The following SCAPER variants were observed in gnomAD, a reference collection of about 807,000 sequenced individuals.
SCAPER encodes the protein S-phase cyclin A associated protein in the ER.
In SCAPER, 98 loss-of-function variants were observed where a neutral mutation model predicts 182.2. That is an observed-to-expected ratio of 0.54 (90% CI 0.46 to 0.64). The LOEUF is 0.64. Ranked by LOEUF, SCAPER falls within the 30% of genes least tolerant of loss-of-function variation. The probability of loss-of-function intolerance (pLI) is 0.00; values close to 1 mark genes in which losing one functional copy is unlikely to be tolerated. For missense variants in SCAPER, 1,432 were observed against 1,690.0 expected (o/e 0.85, Z 2.68); for synonymous variants, 605 against 564.6 (o/e 1.07, Z -1.01).
chr15:76,428,472 G>C (rs950845232), intron 26 of SCAPER, among the ~76,000 whole-genome samples: 1 of 152,240 alleles, frequency 6.6e-6, no homozygotes, highest in Non-Finnish European at 1.5e-5. Flanking sequence ...TTGGAGGTTT[G>C]TTACAACATG....
chr15:76,738,416 G>A (rs1483894179), intron 15 of SCAPER, among the ~76,000 whole-genome samples: 4 of 152,156 alleles, frequency 2.6e-5, no homozygotes, highest in Middle Eastern at 3.4e-3. Context: ...AGTGAAAGAT[G>A]TAAAACTCTT....
chr15:76,902,398 T>G (rs975872118), intron 1 of SCAPER, among the ~76,000 whole-genome samples: 1 of 152,242 alleles, frequency 6.6e-6, no homozygotes, highest in African/African-American at 2.4e-5. Context: ...GCTTATGGCC[T>G]GTGTGATGGG....
At chr15:76,439,662 T>G (rs985622645) in intron 25 of SCAPER, among the ~76,000 whole-genome samples, 1 of 152,176 alleles carries the variant, frequency 6.6e-6, no homozygotes, top group Non-Finnish European at 1.5e-5. Flanking sequence ...GCAAGCAACC[T>G]CCTCCCTTCC....
chr15:76,857,806 T>C lies in SCAPER; in HGVS notation c.195+3A>G. 1 of 1,523,934 alleles carries C rather than the reference T, an allele frequency of 6.6e-7. No individual in the cohort carries two copies. The highest frequency in any genetic ancestry group is 2.5e-5 in the East Asian group (1 of 40,362). The allele number at this position is 1,523,934 out of a possible 1,614,324, so 94.4% of individuals were successfully genotyped here. On this transcript the variant is annotated splice_donor_region_variant and intron_variant, in intron 4 of 31. Transcript: ENST00000563290. Reference sequence around the variant, plus strand: ...ATAAGTAAAAAAGTTATAGATGCTGTACCTGTTTAGTAGTTTTATGAGTGC... The same window carrying C: ...ATAAGTAAAAAAGTTATAGATGCTGCACCTGTTTAGTAGTTTTATGAGTGC...
chr15:76,458,391 T>A (rs1380527068), intron 25 of SCAPER, among the ~76,000 whole-genome samples: 1 of 151,862 alleles, frequency 6.6e-6, no homozygotes, highest in Admixed American at 6.6e-5. Context: ...TATATATATA[T>A]CCACAAATAC....
At chr15:76,877,302 G>C (rs1014584619) in intron 2 of SCAPER, among the ~76,000 whole-genome samples, 1 of 151,342 alleles carries the variant, frequency 6.6e-6, no homozygotes, top group African/African-American at 2.4e-5. Flanking sequence ...GATTATGTTA[G>C]ATTACATTAA....
chr15:76,792,111 A>T (rs974771174), intron 8 of SCAPER, among the ~76,000 whole-genome samples: 2 of 143,818 alleles, frequency 1.4e-5, no homozygotes, highest in Non-Finnish European at 3.0e-5. Flanking sequence ...AGTGATGCTT[A>T]AAAAAAAAAG....
intron 23 of SCAPER, among the ~76,000 whole-genome samples, chr15:76,554,147 G>A (rs534372086): frequency 1.3e-5 from 2 of 152,184 alleles, no homozygotes; most frequent in African/African-American, 4.8e-5. Flanking sequence ...AAACTGATCT[G>A]ATAGAGCTGA....
In SCAPER at chr15:76,706,766, A is replaced by G. The variant is rs186965309; in HGVS notation, c.2166-782T>C. Among the ~76,000 whole-genome samples, 9 of 152,268 alleles carry G rather than the reference A, an allele frequency of 5.9e-5. No homozygotes were observed. The East Asian group carries it at 1.7e-3, about 29-fold the overall frequency. On this transcript the variant is annotated intron_variant, in intron 17 of 31. Coordinates refer to ENST00000563290, the MANE Select transcript of SCAPER (RefSeq NM_020843.4). ...ACTTTTTAACTCACACAGCATGCAT[A>G]GCCAGCTTTACATACCACTCCCCTC...
intron 21 of SCAPER, among the ~76,000 whole-genome samples, chr15:76,643,546 G>A (rs957308788): frequency 6.6e-6 from 1 of 152,132 alleles, no homozygotes; most frequent in Non-Finnish European, 1.5e-5. Context: ...GCCAGGCATG[G>A]TGGCACGCAC....
chr15:76,373,576 C>T lies in SCAPER; in HGVS notation c.3855+2586G>A, dbSNP rs544109453. 2.6e-5 allele frequency among the ~76,000 whole-genome samples: 4 copies of T among 152,240 alleles called. No individual in the cohort carries two copies. In the South Asian group the frequency reaches 8.3e-4, roughly 32 times the overall value. ...TCAGGGAGTGTTTGAAAGGGAAGGA[C>T]ACTGTCTGTGCTGTAGAGGTAGGAG... On this transcript the variant is annotated intron_variant, in intron 29 of 31. Transcript: ENST00000563290.
Position 76,414,380 on chromosome 15 carries a change from A to G in SCAPER, c.3312-9701T>C, listed in dbSNP as rs111253920. Among the ~76,000 whole-genome samples, 349 of 152,120 alleles carry G rather than the reference A, an allele frequency of 2.3e-3. 4 individuals are homozygous for G. The highest frequency in any genetic ancestry group is 7.7e-3 in the African/African-American group (321 of 41,484). ...ATAGCTCAGAAAACCTCAAGCAGAA[A>G]AAGTGCAATGAGAACTACACTGAAG... On this transcript the variant is annotated intron_variant, in intron 26 of 31. Transcript: ENST00000563290.
At chr15:76,724,616 T>C (rs1225516489) in intron 17 of SCAPER, among the ~76,000 whole-genome samples, 1 of 152,204 alleles carries the variant, frequency 6.6e-6, no homozygotes, top group Non-Finnish European at 1.5e-5. Flanking sequence ...TTGGAGGCTT[T>C]GTGTGTTTCT....
At chr15:76,388,941 C>T (rs1353231837) in intron 27 of SCAPER, among the ~76,000 whole-genome samples, 1 of 147,818 alleles carries the variant, frequency 6.8e-6, no homozygotes, top group Non-Finnish European at 1.5e-5. Flanking sequence ...AGCCTGGCGA[C>T]AGAGTGAGAC....
chr15:76,696,781 A>G (rs1399035271), intron 20 of SCAPER, among the ~76,000 whole-genome samples: 2 of 152,170 alleles, frequency 1.3e-5, no homozygotes, highest in Non-Finnish European at 2.9e-5. Context: ...TGTATTTAAA[A>G]CTACTACCCA....
At chr15:76,494,542 T>C (rs922252592) in intron 24 of SCAPER, among the ~76,000 whole-genome samples, 1 of 152,188 alleles carries the variant, frequency 6.6e-6, no homozygotes, top group Non-Finnish European at 1.5e-5. Flanking sequence ...ATCAATGAAA[T>C]GATATTTTAC....
At chr15:76,801,589 G>C (rs1274896842) in intron 6 of SCAPER, among the ~76,000 whole-genome samples, 1 of 152,094 alleles carries the variant, frequency 6.6e-6, no homozygotes, top group Non-Finnish European at 1.5e-5. Context: ...TGTCTCATGA[G>C]GCAAAGAAGA....
intron 20 of SCAPER, among the ~76,000 whole-genome samples, chr15:76,688,697 C>T (rs565462405): frequency 2.0e-5 from 3 of 152,142 alleles, no homozygotes; most frequent in East Asian, 1.9e-4. Flanking sequence ...GAATCCTCTC[C>T]CCATTGCTTG....
At chr15:76,660,908 A>C (rs76713944) in intron 21 of SCAPER, among the ~76,000 whole-genome samples, 10 of 152,084 alleles carry the variant, frequency 6.6e-5, no homozygotes, top group African/African-American at 1.7e-4. Flanking sequence ...CAAAAAAAAA[A>C]CTGTTTCTAT....
Sources: gnomAD v4.1 joint callset for allele counts (sites outside exome capture counted in the v4.1 genomes callset) on GRCh38, gnomAD v4.1.1 for gene constraint, MANE v1.5 for transcripts, NCBI Gene and HGNC (gene_info 2026-07-23, HGNC 2026-07-21) for gene names.